Variants in PCDHA2 observed in about 807,000 individuals in gnomAD.
PCDHA2 encodes protocadherin alpha 2, also known as protocadherin alpha-2.
Under a neutral mutation model 66.0 loss-of-function variants are expected in PCDHA2, and 58 were observed. The ratio of observed to expected loss-of-function variants is 0.88; its 90% CI spans 0.71 to 1.09. PCDHA2 has a LOEUF of 1.09. Among genes scored for constraint, PCDHA2 ranks in the 50% least tolerant of loss-of-function variants. The probability of loss-of-function intolerance (pLI) is 0.00; values close to 1 mark genes in which losing one functional copy is unlikely to be tolerated. For synonymous variants in PCDHA2, 634 were observed against 554.0 expected (o/e 1.14, Z -2.03); for missense variants, 1,267 against 1,242.3 (o/e 1.02, Z -0.30).
intron 1 of PCDHA2, among the ~76,000 whole-genome samples, chr5:140,937,638 C>A (rs1563161991): frequency 6.7e-6 from 1 of 150,048 alleles, no homozygotes; most frequent in East Asian, 2.1e-4. Flanking sequence ...AAAGGCAGGG[C>A]ATGGTGGCTC....
At chr5:140,849,603 G>T in intron 1 of PCDHA2, 1 of 1,598,696 alleles carries the variant, frequency 6.3e-7, no homozygotes, top group Non-Finnish European at 8.6e-7. Context: ...GACAGTTATT[G>T]CCCTGATTAG....
chr5:140,801,064 A>T, intron 1 of PCDHA2: 1 of 1,459,300 alleles, frequency 6.9e-7, no homozygotes, highest in Admixed American at 2.7e-5. Flanking sequence ...TGCATTACGT[A>T]TTCAGATACT....
intron 1 of PCDHA2, among the ~76,000 whole-genome samples, chr5:140,955,017 T>G (rs1157818120): frequency 6.6e-6 from 1 of 152,186 alleles, no homozygotes. Context: ...CCAGCACCAT[T>G]TATTAAATAG....
chr5:140,909,164 A>T (rs2074347084), intron 1 of PCDHA2, among the ~76,000 whole-genome samples: 1 of 152,238 alleles, frequency 6.6e-6, no homozygotes, highest in South Asian at 2.1e-4. Context: ...AGGGAAAATC[A>T]ATCAAGTTCT....
At chr5:140,953,058 C>T (rs1186621578) in intron 1 of PCDHA2, among the ~76,000 whole-genome samples, 1 of 152,202 alleles carries the variant, frequency 6.6e-6, no homozygotes, top group African/African-American at 2.4e-5. Flanking sequence ...TCACCTCTCA[C>T]AGGCCCCATC....
At chr5:140,836,667 G>T in intron 1 of PCDHA2, 1 of 1,613,396 alleles carries the variant, frequency 6.2e-7, no homozygotes, top group Non-Finnish European at 8.5e-7. Context: ...GTGCTCTGGG[G>T]AGGGCCCACC....
intron 1 of PCDHA2, chr5:140,856,399 T>C (rs782023286): frequency 6.3e-7 from 1 of 1,598,492 alleles, no homozygotes; most frequent in Non-Finnish European, 8.6e-7. Context: ...AGGTTTTCCA[T>C]GTGGACGTGG....
chr5:140,939,579 A>AT (rs2153642013), intron 1 of PCDHA2, among the ~76,000 whole-genome samples: 1 of 152,306 alleles, frequency 6.6e-6, no homozygotes, highest in African/African-American at 2.4e-5. Context: ...AAAATGGAAA[A>AT]TTTTAACATA....
intron 1 of PCDHA2, among the ~76,000 whole-genome samples, chr5:140,936,138 C>G (rs1396548448): frequency 6.6e-6 from 1 of 152,074 alleles, no homozygotes; most frequent in African/African-American, 2.4e-5. Context: ...AGTGATCTGC[C>G]CGCCTTGGCC....
rs1021823272 is a variant in PCDHA2, at chr5:140,866,632, C to T, written c.2388+69280C>T. ...GGAGAACCTCCTGGGGTTCTGACAA[C>T]GGTGTCAAAATTTATTTATGTGTTT... On this transcript the variant is annotated intron_variant, in intron 1 of 3. Coordinates refer to ENST00000526136, the MANE Select transcript of PCDHA2 (RefSeq NM_018905.3). 22 of 152,178 alleles carry T rather than the reference C, an allele frequency of 1.4e-4. No homozygotes were observed. In the South Asian group the frequency reaches 2.9e-3, roughly 20 times the overall value. The allele number at this position is 152,178 out of a possible 1,614,324, so 9.4% of individuals were successfully genotyped here.
At chr5:140,830,150 G>GTTT (rs1770856321) in intron 1 of PCDHA2, 1 of 1,613,300 alleles carries the variant, frequency 6.2e-7, no homozygotes, top group East Asian at 2.2e-5. Context: ...GGTGGGCGCC[G>GTTT]CGGGCCCAGA....
chr5:140,848,485 G>C (rs1386369016), intron 1 of PCDHA2: 1 of 1,573,026 alleles, frequency 6.4e-7, no homozygotes, highest in Non-Finnish European at 8.7e-7. Flanking sequence ...GAAGAAGACT[G>C]AGTATTTGAA....
At chr5:140,829,192 T>G in intron 1 of PCDHA2, 1 of 1,614,230 alleles carries the variant, frequency 6.2e-7, no homozygotes, top group Non-Finnish European at 8.5e-7. Flanking sequence ...AATTTGGTAC[T>G]GTCATCGCCC....
At chr5:140,797,744 A>C (rs1293314193) in intron 1 of PCDHA2, among the ~76,000 whole-genome samples, 1 of 152,226 alleles carries the variant, frequency 6.6e-6, no homozygotes, top group Non-Finnish European at 1.5e-5. Flanking sequence ...CTGTCTATCC[A>C]ATCTGTCGGA....
chr5:140,803,820 G>C, intron 1 of PCDHA2: 1 of 661,202 alleles, frequency 1.5e-6, no homozygotes, highest in Non-Finnish European at 2.5e-6. Flanking sequence ...TTTGTTATTA[G>C]GTGCAGTAGT....
Position 140,929,023 on chromosome 5 carries a change from C to G in PCDHA2, c.2389-49926C>G, listed in dbSNP as rs2085741813. On this transcript the variant is annotated intron_variant, in intron 1 of 3. Transcript: ENST00000526136. ...CGTGTGTACCAAGTTGCACCAGAGCCCAGGCTGTTGCGCTCAGAGCTGCTG... is the reference window on the plus strand; with the variant it reads ...CGTGTGTACCAAGTTGCACCAGAGCGCAGGCTGTTGCGCTCAGAGCTGCTG... 2.5e-6 allele frequency: 4 copies of G among 1,614,056 alleles called. No homozygotes were observed. The Admixed American group carries it at 6.7e-5, about 27-fold the overall frequency.
intron 1 of PCDHA2, among the ~76,000 whole-genome samples, chr5:140,855,727 T>A (rs782065766): frequency 6.7e-6 from 1 of 149,598 alleles, no homozygotes; most frequent in Admixed American, 6.7e-5. Context: ...TGTTATTAAC[T>A]ATAAAGAGAC....
chr5:140,807,731 A>C, intron 1 of PCDHA2: 1 of 1,614,204 alleles, frequency 6.2e-7, no homozygotes, highest in South Asian at 1.1e-5. Flanking sequence ...TTCTCTGGAA[A>C]AACCACCTGA....
rs781977975 is a variant in PCDHA2, at chr5:140,857,750, C to G, written c.2388+60398C>G. 1.9e-6 allele frequency: 3 copies of G among 1,597,316 alleles called. No homozygotes were observed. Among genetic ancestry groups the G allele is most frequent in the Non-Finnish European group, 1.7e-6 (2 of 1,167,614 alleles). On this transcript the variant is annotated intron_variant, in intron 1 of 3. Coordinates refer to ENST00000526136, the MANE Select transcript of PCDHA2 (RefSeq NM_018905.3). ...CAACGCTCCCGCGCTGCTGGCGTCT[C>G]CCGCTGGCAGCGCGGGCGGTGCAGT...
Sources: allele counts gnomAD v4.1 joint callset (sites outside exome capture counted in the v4.1 genomes callset), GRCh38; gene constraint gnomAD v4.1.1; transcripts MANE v1.5; gene names NCBI Gene and HGNC (gene_info 2026-07-23, HGNC 2026-07-21).